Variants in TACC1 observed in about 807,000 individuals in gnomAD.
TACC1 encodes transforming acidic coiled-coil-containing protein 1.
TACC1 carries 48 observed loss-of-function variants against 84.4 expected under a neutral mutation model. The observed-to-expected ratio is 0.57, with a 90% CI of 0.45 to 0.72. TACC1 has a LOEUF of 0.72. Among genes scored for constraint, TACC1 ranks in the 30% least tolerant of loss-of-function variants. TACC1 has a pLI of 0.00. For synonymous variants in TACC1, 372 were observed against 376.3 expected (o/e 0.99, Z 0.13); for missense variants, 920 against 973.0 (o/e 0.95, Z 0.72).
chr8:38,840,323 G>C, intron 9 of TACC1, 56 bp downstream of exon 9: 1 of 1,482,180 alleles, frequency 6.7e-7, no homozygotes. Context: ...GTCTTAGTCT[G>C]TTCAGCCTGG....
At chr8:38,736,936 G>C (rs1806079008) in intron 1 of TACC1, among the ~76,000 whole-genome samples, 1 of 152,152 alleles carries the variant, frequency 6.6e-6, no homozygotes, top group Non-Finnish European at 1.5e-5. Flanking sequence ...AAAGCACTCA[G>C]AGAAGACAAC....
At chr8:38,774,747 T>C (rs1208781953) in intron 3 of TACC1, among the ~76,000 whole-genome samples, 1 of 152,128 alleles carries the variant, frequency 6.6e-6, no homozygotes, top group Non-Finnish European at 1.5e-5. Flanking sequence ...CCACGGTGGC[T>C]CACGCCTGTA....
chr8:38,843,169 G>A, intron 10 of TACC1, 120 bp from the exon 11 acceptor site: 1 of 637,406 alleles, frequency 1.6e-6, no homozygotes, highest in Non-Finnish European at 2.7e-6. Context: ...TGCAGAGTAT[G>A]AATAAAAGCC....
chr8:38,838,031 T>A (rs1366069113), intron 7 of TACC1, among the ~76,000 whole-genome samples: 2 of 152,272 alleles, frequency 1.3e-5, no homozygotes, highest in African/African-American at 2.4e-5. Context: ...AATGTGTTGC[T>A]CATGCCAACT....
At chr8:38,755,749 CAACA>C (rs752882404) in intron 3 of TACC1, among the ~76,000 whole-genome samples, 2,983 of 92,428 alleles carry the variant, frequency 0.032, 108 homozygotes, top group African/African-American at 0.1. Context: ...ACAACAACAA[CAACA>C]GAGTGTTCCT....
At chr8:38,754,592 T>C (rs1809657485) in intron 3 of TACC1, among the ~76,000 whole-genome samples, 2 of 152,192 alleles carry the variant, frequency 1.3e-5, no homozygotes, top group African/African-American at 4.8e-5. Context: ...TCTCAGGAGT[T>C]CAAGGCTGCA....
chr8:38,827,804 A>C, intron 5 of TACC1: 1 of 164,478 alleles, frequency 6.1e-6, no homozygotes, highest in Admixed American at 5.8e-5. Context: ...CTGGTGAGGG[A>C]CTCAGGAAGC....
At chr8:38,835,203 G>A (rs1257743340) in intron 6 of TACC1, among the ~76,000 whole-genome samples, 2 of 150,922 alleles carry the variant, frequency 1.3e-5, no homozygotes, top group African/African-American at 2.4e-5. Context: ...GCAGCGAGCC[G>A]AGATTGCGCC....
At chr8:38,824,564 G>A (rs1827605002) in intron 3 of TACC1, 1 of 152,350 alleles carries the variant, frequency 6.6e-6, no homozygotes, top group Non-Finnish European at 1.5e-5. Context: ...AAAAAAAGTT[G>A]CAAATAATTT....
chr8:38,845,147 A>C (rs1381001065), intron 11 of TACC1, among the ~76,000 whole-genome samples: 1 of 152,182 alleles, frequency 6.6e-6, no homozygotes, highest in Non-Finnish European at 1.5e-5. Flanking sequence ...CTGGTCTCGA[A>C]CTTCTGACCT....
At chr8:38,739,551 T>C (rs1806673374) in intron 1 of TACC1, among the ~76,000 whole-genome samples, 1 of 152,270 alleles carries the variant, frequency 6.6e-6, no homozygotes, top group Non-Finnish European at 1.5e-5. Context: ...GCAGTTGTTT[T>C]ACACATTTGT....
chr8:38,750,642 A>G (rs1808862604), intron 3 of TACC1, among the ~76,000 whole-genome samples: 3 of 151,798 alleles, frequency 2.0e-5, no homozygotes, highest in African/African-American at 7.3e-5. Flanking sequence ...TGCAGGATAA[A>G]ATATACAAAA....
At chr8:38,839,664 C>T (rs980566690) in intron 8 of TACC1, 4 of 219,266 alleles carry the variant, frequency 1.8e-5, no homozygotes, top group South Asian at 3.7e-4. Context: ...CACCCAGCAC[C>T]GGACTGGGTC....
Position 38,827,218 on chromosome 8 carries a change from C to G in TACC1, c.1503C>G (p.Gly501=), listed in dbSNP as rs755595258. ...SQISDISNRD[G]HATDEEKLAS... is the part of the protein sequence containing the mutation. ...TTTCAGACATTTCTAATAGGGATGG[C>G]CATGCTACTGATGAGGAGAAACTGG... The change falls in exon 5 of 13, where the codon GGC becomes GGG. Residue 501 remains glycine (G), a synonymous_variant. Transcript: ENST00000317827. 7 of 1,614,102 alleles carry G rather than the reference C, an allele frequency of 4.3e-6. No homozygotes were observed. In the South Asian group the frequency reaches 7.7e-5, roughly 18 times the overall value.
intron 3 of TACC1, among the ~76,000 whole-genome samples, chr8:38,762,651 A>G (rs1046950258): frequency 2.6e-5 from 4 of 151,840 alleles, no homozygotes; most frequent in Non-Finnish European, 5.9e-5. Context: ...CCACCTCCCA[A>G]ATTCAAGCGA....
chr8:38,770,377 G>C (rs1813336650), intron 3 of TACC1, among the ~76,000 whole-genome samples: 2 of 152,156 alleles, frequency 1.3e-5, no homozygotes, highest in South Asian at 2.1e-4. Context: ...TTTCCGTCCC[G>C]GCGGCACCCT....
chr8:38,756,004 G>A (rs915812858), intron 3 of TACC1, among the ~76,000 whole-genome samples: 4 of 151,618 alleles, frequency 2.6e-5, no homozygotes, highest in Non-Finnish European at 4.4e-5. Context: ...TAGTAGAGAC[G>A]GGGTTTCACC....
chr8:38,730,422 T>C (rs908955644), intron 1 of TACC1, among the ~76,000 whole-genome samples: 4 of 152,266 alleles, frequency 2.6e-5, no homozygotes, highest in African/African-American at 9.6e-5. Flanking sequence ...AACTACATGA[T>C]CAATAATTGT....
chr8:38,784,054 C>T (rs552653091), upstream of TACC1, among the ~76,000 whole-genome samples: 36 of 152,306 alleles, frequency 2.4e-4, no homozygotes, highest in African/African-American at 8.2e-4. Flanking sequence ...GTGGCCACAG[C>T]CTCCTGTTGG....
Sources: gnomAD v4.1 joint callset for allele counts (sites outside exome capture counted in the v4.1 genomes callset) on GRCh38, gnomAD v4.1.1 for gene constraint, MANE v1.5 for transcripts, NCBI Gene and HGNC (gene_info 2026-07-23, HGNC 2026-07-21) for gene names.